The following ZNF263 variants were observed in gnomAD, a reference collection of about 807,000 sequenced individuals.
The protein encoded by ZNF263 is zinc finger protein 263.
Under a neutral mutation model 63.1 loss-of-function variants are expected in ZNF263, and 49 were observed. The ratio of observed to expected loss-of-function variants is 0.78; its 90% CI spans 0.62 to 0.99. The LOEUF is 0.99. Ranked by LOEUF, ZNF263 falls within the 50% of genes least tolerant of loss-of-function variation. The probability of loss-of-function intolerance (pLI) is 0.00; values close to 1 mark genes in which losing one functional copy is unlikely to be tolerated. For synonymous variants in ZNF263, 352 were observed against 324.2 expected, an observed-to-expected ratio of 1.09 and a Z score of -0.92; for missense variants, 872 against 854.8, an observed-to-expected ratio of 1.02 and a Z score of -0.25.
At chr16:3,284,675 A>C (rs1158447733) in intron 1 of ZNF263, among the ~76,000 whole-genome samples, 1 of 152,198 alleles carries the variant, frequency 6.6e-6, no homozygotes, top group East Asian at 1.9e-4. Flanking sequence ...TCTTCTCTGC[A>C]AAGCTGGGCC....
intron 3 of ZNF263, 57 bp downstream of exon 3, chr16:3,285,811 G>C: frequency 6.3e-7 from 1 of 1,595,926 alleles, no homozygotes. Flanking sequence ...TGAGTGTTGG[G>C]GGTGGGGGTT....
intron 1 of ZNF263, among the ~76,000 whole-genome samples, chr16:3,297,456 CTTTTTTT>C (rs1168352573): frequency 7.1e-4 from 54 of 76,456 alleles, no homozygotes; most frequent in South Asian, 1.3e-3. Context: ...GAAACAGATT[CTTTTTTT>C]TTTTTTTTTT....
At chr16:3,297,616 C>A (rs559558221) in intron 1 of ZNF263, among the ~76,000 whole-genome samples, 6 of 152,008 alleles carry the variant, frequency 3.9e-5, no homozygotes, top group African/African-American at 1.4e-4. Flanking sequence ...AGGCGCCTGC[C>A]ACTGCGCCCG....
chr16:3,297,546 G>A (rs1359008686), intron 1 of ZNF263, among the ~76,000 whole-genome samples: 3 of 133,052 alleles, frequency 2.3e-5, no homozygotes, highest in East Asian at 5.2e-4. Context: ...CTCACTGCAA[G>A]CTCCGCCTCC....
At position 3,283,817 on chromosome 16, in the gene ZNF263, C is replaced by A; in HGVS notation, c.-2C>A. 2 of 1,560,704 alleles carry A rather than the reference C, an allele frequency of 1.3e-6. No individual in the cohort carries two copies. Among genetic ancestry groups the A allele is most frequent in the Non-Finnish European group, 1.7e-6 (2 of 1,156,278 alleles). ...GGGCTAAGGCGCTCTGGAGACCTGA[C>A]GATGGCGTCGGGCCCGGGCTCCCAG... On this transcript the variant is annotated 5_prime_UTR_variant, in exon 1 of 6. Coordinates refer to ENST00000219069, the MANE Select transcript of ZNF263 (RefSeq NM_005741.5).
intron 1 of ZNF263, among the ~76,000 whole-genome samples, chr16:3,284,599 G>A (rs1332141942): frequency 6.6e-6 from 1 of 152,332 alleles, no homozygotes. Context: ...GTAAAGTTGT[G>A]AACACTACTA....
chr16:3,291,497 C>T, downstream of ZNF263: 1 of 985,236 alleles, frequency 1.0e-6, no homozygotes. Context: ...CTGTCTAGAC[C>T]CCCGAGTGTT....
At position 3,289,605 on chromosome 16, in the gene ZNF263, G is replaced by A; in HGVS notation, c.1099G>A (p.Gly367Arg). 1 of 1,614,152 alleles carries A rather than the reference G, an allele frequency of 6.2e-7. No homozygotes were observed. The highest frequency in any genetic ancestry group is 8.5e-7 in the Non-Finnish European group (1 of 1,180,040). The part of the protein sequence containing the change: ...LAGASSGREL[G>R]RPKELQPKKL... ...AGGAGCCTCAAGTGGCAGAGAACTG[G>A]GGCGACCGAAGGAACTGCAGCCAAA... is the stretch of plus-strand genomic sequence containing the variant. The change falls in exon 6 of 6, where the codon GGG (glycine) becomes AGG (arginine). Residue 367 changes from glycine to arginine, a missense_variant. Physicochemically the swap from Gly to Arg is moderately radical, Grantham distance 125. Transcript: ENST00000219069.
In ZNF263 at chr16:3,283,555, A is replaced by C. The variant is rs1463391196; in HGVS notation, c.-264A>C. The C allele has an allele frequency of 5.8e-6, 2 of 345,876 alleles. No homozygotes were observed. The highest frequency in any genetic ancestry group is 2.2e-5 in the African/African-American group (1 of 44,976). 21.4% of individuals were successfully genotyped at this position (345,876 alleles called of 1,614,324 possible). ...TGAGTCTTGCGTGGGTCCTCTATAT[A>C]GGGTGAGAAGCGTGGCGCTCGGTTC... is the stretch of plus-strand genomic sequence containing the variant. On this transcript the variant is annotated 5_prime_UTR_variant, in exon 1 of 6. Coordinates refer to ENST00000219069, the MANE Select transcript of ZNF263 (RefSeq NM_005741.5).
At chr16:3,286,747 A>G (rs1019075652) in intron 4 of ZNF263, 2 of 152,244 alleles carry the variant, frequency 1.3e-5, no homozygotes, top group Admixed American at 6.5e-5. Context: ...TTTTAAAATT[A>G]TGCCTACGGA....
Position 3,285,831 on chromosome 16 carries a change from G to A in ZNF263, c.642+77G>A, listed in dbSNP as rs989980355. The A allele has an allele frequency of 3.2e-6, 5 of 1,570,844 alleles. No homozygotes were observed. The African/African-American group carries it at 4.1e-5, about 13-fold the overall frequency. On this transcript the variant is annotated intron_variant, in intron 3 of 5. Coordinates refer to ENST00000219069, the MANE Select transcript of ZNF263 (RefSeq NM_005741.5). Reference sequence around the variant, plus strand: ...GTTGGGGGTGGGGGTTCTCCATGTGGAAGGTCCTTTGTCCCTTACCACAGC... The same window carrying A: ...GTTGGGGGTGGGGGTTCTCCATGTGAAAGGTCCTTTGTCCCTTACCACAGC...
chr16:3,283,837 T>C lies in ZNF263; in HGVS notation c.19T>C (p.Ser7Pro). The C allele has an allele frequency of 6.3e-7, 1 of 1,578,812 alleles. No homozygotes were observed. Among genetic ancestry groups the C allele is most frequent in the Non-Finnish European group, 8.6e-7 (1 of 1,164,790 alleles). ...CCTGACGATGGCGTCGGGCCCGGGC[T>C]CCCAGGAACGGGAAGGGCTCCTGAT... is the stretch of plus-strand genomic sequence containing the variant. MASGPG[S>P]QEREGLLIVK... Residue 7 changes from serine (S) to proline (P), a missense_variant, in exon 1 of 6, where the codon TCC becomes CCC. By Grantham distance (74) the Ser-to-Pro change is moderately conservative. Coordinates refer to ENST00000219069, the MANE Select transcript of ZNF263 (RefSeq NM_005741.5).
chr16:3,296,236 G>A (rs924359065), downstream of ZNF263, among the ~76,000 whole-genome samples: 3 of 152,184 alleles, frequency 2.0e-5, no homozygotes, highest in Non-Finnish European at 2.9e-5. Flanking sequence ...ACAGTTAACA[G>A]GAAGTTTCCA....
At chr16:3,297,453 ATTCTTTTTTTTTT>A (rs1959783562) in intron 1 of ZNF263, among the ~76,000 whole-genome samples, 1 of 124,966 alleles carries the variant, frequency 8.0e-6, no homozygotes, top group Admixed American at 8.9e-5. Flanking sequence ...TCAGAAACAG[ATTCTTTTTTTTTT>A]TTTTTTTTTT....
chr16:3,297,906 A>G (rs1022329096), intron 1 of ZNF263, among the ~76,000 whole-genome samples: 1 of 152,232 alleles, frequency 6.6e-6, no homozygotes, highest in African/African-American at 2.4e-5. Context: ...TAAAGATACC[A>G]TTCTTTTGGT....
At chr16:3,297,625 C>A (rs1959795957) in intron 1 of ZNF263, among the ~76,000 whole-genome samples, 1 of 151,784 alleles carries the variant, frequency 6.6e-6, no homozygotes, top group South Asian at 2.1e-4. Context: ...CCACTGCGCC[C>A]GGCTAATTTT....
intron 5 of ZNF263, among the ~76,000 whole-genome samples, chr16:3,288,876 A>G (rs1364803802): frequency 6.6e-6 from 1 of 152,094 alleles, no homozygotes; most frequent in African/African-American, 2.4e-5. Context: ...CCCTGACCTC[A>G]GGTGATCCAC....
Position 3,299,115 on chromosome 16 carries a change from G to A in ZNF263, c.*5G>A, listed in dbSNP as rs143297362. ...GTTGCATCTCTTTCAGTGTGAAGTG[G>A]AATCTCTGAAACTCAGGTGTGGCAT... On this transcript the variant is annotated 3_prime_UTR_variant, in exon 2 of 3. Coordinates refer to the ZNF263 transcript ENST00000574674. 1.1e-4 allele frequency: 159 copies of A among 1,458,412 alleles called. No individual in the cohort carries two copies. In the African/African-American group the frequency reaches 2.0e-3, roughly 18 times the overall value. The allele number at this position is 1,458,412 out of a possible 1,614,324, so 90.3% of individuals were successfully genotyped here.
Position 3,290,628 on chromosome 16 carries a change from A to G in ZNF263, c.*70A>G. 3.9e-6 allele frequency: 6 copies of G among 1,519,988 alleles called. No individual in the cohort carries two copies. Among genetic ancestry groups the G allele is most frequent in the Admixed American group, 2.1e-5 (1 of 46,538 alleles). 94.2% of individuals were successfully genotyped at this position (1,519,988 alleles called of 1,614,324 possible). A position where few individuals can be genotyped will look rare whatever the true frequency, so the allele number is the denominator to read the frequency against. On this transcript the variant is annotated 3_prime_UTR_variant, in exon 6 of 6. Coordinates refer to ENST00000219069, the MANE Select transcript of ZNF263 (RefSeq NM_005741.5). ...GAGGAGCCTGTTGGCAAGAGCTGGT[A>G]TTCCCTGCCCAGCCGACCAAATGAC... is the stretch of plus-strand genomic sequence containing the variant.
Sources: gnomAD v4.1 joint callset for allele counts (sites outside exome capture counted in the v4.1 genomes callset) on GRCh38, gnomAD v4.1.1 for gene constraint, MANE v1.5 for transcripts, NCBI Gene and HGNC (gene_info 2026-07-23, HGNC 2026-07-21) for gene names.